The following NCKAP5 variants were observed in gnomAD, a reference collection of about 807,000 sequenced individuals.
NCKAP5 encodes the protein NCK associated protein 5.
In NCKAP5, 92 loss-of-function variants were observed where a neutral mutation model predicts 167.0. The observed-to-expected ratio is 0.55, with a 90% confidence interval of 0.47 to 0.66. The LOEUF (loss-of-function observed/expected upper bound fraction) is 0.66, where lower values mean the gene tolerates loss of function less well. Ranked by LOEUF, NCKAP5 falls within the 30% of genes least tolerant of loss-of-function variation. The pLI is 0.00. For synonymous variants in NCKAP5, 891 were observed against 877.4 expected (o/e 1.02, Z -0.27); for missense variants, 2,378 against 2,315.0 (o/e 1.03, Z -0.56).
At chr2:133,465,780 T>G (rs1296518705) in intron 3 of NCKAP5, among the ~76,000 whole-genome samples, 1 of 151,922 alleles carries the variant, frequency 6.6e-6, no homozygotes, top group Admixed American at 6.6e-5. Context: ...CATTTTTTCA[T>G]GTGTCTTTTG....
intron 4 of NCKAP5, among the ~76,000 whole-genome samples, chr2:133,281,737 G>T (rs1402304991): frequency 6.6e-6 from 1 of 152,156 alleles, no homozygotes; most frequent in African/African-American, 2.4e-5. Context: ...ATGGTGACAA[G>T]CAACCCCTAG....
intron 3 of NCKAP5, among the ~76,000 whole-genome samples, chr2:133,474,111 G>GATAT (rs1248250740): frequency 1.1e-5 from 1 of 91,302 alleles, no homozygotes; most frequent in African/African-American, 3.8e-5. Flanking sequence ...AAGAAAATGT[G>GATAT]ATATCTATCT....
intron 4 of NCKAP5, among the ~76,000 whole-genome samples, chr2:133,242,119 C>CAAAAAAAAAAAAAAA (rs1176776551): frequency 2.1e-5 from 1 of 48,274 alleles, no homozygotes; most frequent in Non-Finnish European, 4.5e-5. Flanking sequence ...AACTCTGTCT[C>CAAAAAAAAAAAAAAA]AAAAAAAAAA....
At chr2:133,431,001 G>T (rs533575244) in intron 3 of NCKAP5, among the ~76,000 whole-genome samples, 1 of 151,324 alleles carries the variant, frequency 6.6e-6, no homozygotes, top group African/African-American at 2.4e-5. Context: ...GAAAAAGAAA[G>T]AGAAAGAAAA....
intron 8 of NCKAP5, among the ~76,000 whole-genome samples, chr2:132,901,814 C>A (rs551435026): frequency 6.6e-6 from 1 of 152,290 alleles, no homozygotes; most frequent in South Asian, 2.1e-4. Context: ...TAAAGATACA[C>A]CAGGAACTTA....
At chr2:132,678,422 G>A (rs2105009347) in intron 19 of NCKAP5, among the ~76,000 whole-genome samples, 1 of 152,196 alleles carries the variant, frequency 6.6e-6, no homozygotes, top group Non-Finnish European at 1.5e-5. Context: ...ACACAGCATT[G>A]TTCCTCAGCT....
At chr2:132,760,818 A>C (rs752013213) in intron 16 of NCKAP5, among the ~76,000 whole-genome samples, 5 of 152,216 alleles carry the variant, frequency 3.3e-5, no homozygotes, top group Non-Finnish European at 7.4e-5. Flanking sequence ...ATATATCCTC[A>C]TATACCTATT....
At chr2:133,251,440 A>C (rs886416626) in intron 4 of NCKAP5, among the ~76,000 whole-genome samples, 3 of 152,216 alleles carry the variant, frequency 2.0e-5, no homozygotes, top group African/African-American at 7.2e-5. Context: ...CAAGCCTTGC[A>C]TGAATTTGCC....
intron 7 of NCKAP5, among the ~76,000 whole-genome samples, chr2:132,986,024 C>T (rs553736447): frequency 6.6e-5 from 10 of 151,592 alleles, no homozygotes; most frequent in South Asian, 4.2e-4. Flanking sequence ...TACTCACTGC[C>T]GATCTACATA....
rs539928706 is a variant in NCKAP5 at position 133,409,018 on chromosome 2, G to A, written c.70-105908C>T. 7.9e-5 allele frequency among the ~76,000 whole-genome samples: 12 copies of A among 152,304 alleles called. No homozygotes were observed. The East Asian group carries it at 1.9e-3, about 24-fold the overall frequency. Reference sequence around the variant, plus strand: ...CTGTAAGCCACTTAATTTTTTCCTGGGTTGTTACCACAGTAAAAGCTAATA... The same window carrying A: ...CTGTAAGCCACTTAATTTTTTCCTGAGTTGTTACCACAGTAAAAGCTAATA... On this transcript the variant is annotated intron_variant, in intron 3 of 19. Transcript: ENST00000409261.
intron 3 of NCKAP5, among the ~76,000 whole-genome samples, chr2:133,346,050 T>A (rs1292695110): frequency 6.6e-6 from 1 of 152,166 alleles, no homozygotes; most frequent in East Asian, 1.9e-4. Flanking sequence ...AGACTTCTGG[T>A]AGGTTTCCCT....
chr2:132,947,059 G>A, intron 8 of NCKAP5, among the ~76,000 whole-genome samples: 1 of 152,172 alleles, frequency 6.6e-6, no homozygotes, highest in East Asian at 1.9e-4. Flanking sequence ...TTTCTATTTA[G>A]AGGATCAGGG....
chr2:133,227,122 T>C (rs2086927946), intron 4 of NCKAP5, among the ~76,000 whole-genome samples: 1 of 152,164 alleles, frequency 6.6e-6, no homozygotes, highest in African/African-American at 2.4e-5. Context: ...ATGTCAAATA[T>C]GAAAATTTAT....
chr2:133,406,008 C>A (rs1440268565), intron 3 of NCKAP5, among the ~76,000 whole-genome samples: 1 of 152,178 alleles, frequency 6.6e-6, no homozygotes, highest in African/African-American at 2.4e-5. Flanking sequence ...TGTATAATCC[C>A]CGAATTGAAG....
At chr2:133,453,531 CA>C (rs535598462) in intron 3 of NCKAP5, among the ~76,000 whole-genome samples, 14 of 150,190 alleles carry the variant, frequency 9.3e-5, no homozygotes, top group South Asian at 2.1e-4. Flanking sequence ...TTTATAATGG[CA>C]AAAAAAAGGA....
intron 4 of NCKAP5, among the ~76,000 whole-genome samples, chr2:133,259,490 A>G (rs2088798555): frequency 6.6e-6 from 1 of 152,224 alleles, no homozygotes; most frequent in South Asian, 2.1e-4. Context: ...TTCTCCAACT[A>G]TGTCAGTGTA....
At chr2:133,320,268 G>A (rs1344123984) in intron 3 of NCKAP5, among the ~76,000 whole-genome samples, 1 of 152,114 alleles carries the variant, frequency 6.6e-6, no homozygotes, top group Non-Finnish European at 1.5e-5. Flanking sequence ...TCTAATTACT[G>A]CTCAGTCCCT....
chr2:133,202,440 G>T (rs1022410572), intron 5 of NCKAP5, among the ~76,000 whole-genome samples: 1 of 152,104 alleles, frequency 6.6e-6, no homozygotes, highest in African/African-American at 2.4e-5. Flanking sequence ...AACCCTAGAA[G>T]AAAACCTAGG....
At chr2:132,754,564 T>C (rs542978285) in intron 16 of NCKAP5, among the ~76,000 whole-genome samples, 18 of 152,314 alleles carry the variant, frequency 1.2e-4, no homozygotes, top group Admixed American at 7.8e-4. Flanking sequence ...GAATCCAACA[T>C]GCAAATCACT....
Sources: allele counts gnomAD v4.1 joint callset (sites outside exome capture counted in the v4.1 genomes callset), GRCh38; gene constraint gnomAD v4.1.1; transcripts MANE v1.5; gene names NCBI Gene and HGNC (gene_info 2026-07-23, HGNC 2026-07-21).